The following NCAM2 variants were observed in gnomAD, a reference collection of about 807,000 sequenced individuals.
NCAM2 encodes N-CAM-2.
NCAM2 carries 30 observed loss-of-function variants against 98.1 expected under a neutral mutation model. That is an observed-to-expected ratio of 0.31 (90% CI 0.23 to 0.41). NCAM2 has a LOEUF of 0.41. Among genes scored for constraint, NCAM2 ranks in the 10% least tolerant of loss-of-function variants. The probability of loss-of-function intolerance (pLI) is 1.00; values close to 1 mark genes in which losing one functional copy is unlikely to be tolerated. For missense variants in NCAM2, 867 were observed against 1,005.8 expected, an observed-to-expected ratio of 0.86 and a Z score of 1.87; for synonymous variants, 368 against 342.4, an observed-to-expected ratio of 1.07 and a Z score of -0.83.
intron 1 of NCAM2, among the ~76,000 whole-genome samples, chr21:21,048,796 A>C (rs1343576441): frequency 1.3e-5 from 2 of 152,170 alleles, no homozygotes; most frequent in Admixed American, 6.5e-5. Flanking sequence ...TATTTGGCTC[A>C]GAATAAATCT....
At chr21:21,035,056 C>T (rs925349757) in intron 1 of NCAM2, among the ~76,000 whole-genome samples, 7 of 152,120 alleles carry the variant, frequency 4.6e-5, no homozygotes, top group Non-Finnish European at 7.4e-5. Flanking sequence ...TCTAAAATAT[C>T]TTGAGGTTCT....
At chr21:21,285,878 A>G (rs1399754255) in intron 3 of NCAM2, among the ~76,000 whole-genome samples, 3 of 151,968 alleles carry the variant, frequency 2.0e-5, no homozygotes, top group South Asian at 2.1e-4. Flanking sequence ...GCTATTTTAT[A>G]TAGGCAGGTT....
Position 21,240,212 on chromosome 21 carries a change from T to C in NCAM2, c.56-40366T>C, listed in dbSNP as rs183348136. ...CTATGTCAAATGCCCAACAGATTTC[T>C]TTCAGCCATTTTTGGATTGTCATGT... On this transcript the variant is annotated intron_variant, in intron 1 of 17. Transcript: ENST00000400546. Among the ~76,000 whole-genome samples the C allele has an allele frequency of 2.4e-4, 36 of 152,272 alleles. 1 individual carries two copies. The highest frequency in any genetic ancestry group is 2.0e-3 in the Admixed American group (30 of 15,284).
intron 1 of NCAM2, among the ~76,000 whole-genome samples, chr21:21,050,638 C>T (rs1321784600): frequency 1.3e-5 from 2 of 152,114 alleles, no homozygotes; most frequent in South Asian, 4.1e-4. Context: ...CCCAACAACA[C>T]CTGTCATTGG....
chr21:21,231,996 G>C (rs2070646087), intron 1 of NCAM2, among the ~76,000 whole-genome samples: 1 of 151,278 alleles, frequency 6.6e-6, no homozygotes, highest in African/African-American at 2.4e-5. Flanking sequence ...ATTTTCCTCA[G>C]TCGTGTCAGT....
rs5842868 is a variant in NCAM2, at chr21:21,009,883, C to CTGTGTGTGTGTGTGTGTGTGTG, written c.55+11279_55+11300dup. ...AAAATCCTCCTTTGGCCTCTGATAGCTGTGTGTGTGTGTGTGTGTGTGTGT... is the reference window on the plus strand; with the variant it reads ...AAAATCCTCCTTTGGCCTCTGATAGCTGTGTGTGTGTGTGTGTGTGTGTGTGTGTGTGTGTGTGTGTGTGTGT... On this transcript the variant is annotated intron_variant, in intron 1 of 17. Coordinates refer to ENST00000400546, the MANE Select transcript of NCAM2 (RefSeq NM_004540.5). Among the ~76,000 whole-genome samples, 428 of 139,718 alleles carry CTGTGTGTGTGTGTGTGTGTGTG rather than the reference C, an allele frequency of 3.1e-3. 5 individuals carry two copies. The highest frequency in any genetic ancestry group is 4.5e-3 in the Non-Finnish European group (294 of 64,828). 91.7% of individuals were successfully genotyped at this position (139,718 alleles called of 152,430 possible).
intron 1 of NCAM2, among the ~76,000 whole-genome samples, chr21:21,268,190 G>C (rs2072357344): frequency 6.6e-6 from 1 of 152,134 alleles, no homozygotes; most frequent in Non-Finnish European, 1.5e-5. Context: ...TGGTGCTGAG[G>C]ATTTTTCGGA....
intron 1 of NCAM2, among the ~76,000 whole-genome samples, chr21:21,273,284 A>C (rs2072599444): frequency 6.6e-6 from 1 of 151,040 alleles, no homozygotes; most frequent in African/African-American, 2.5e-5. Context: ...CATAGTAAAT[A>C]TCATATATGT....
At position 21,018,365 on chromosome 21, in the gene NCAM2, C is replaced by T. The variant is rs75183817; in HGVS notation, c.55+19747C>T. 3.8e-3 allele frequency among the ~76,000 whole-genome samples: 578 copies of T among 152,266 alleles called. 6 individuals are homozygous for T. Among genetic ancestry groups the T allele is most frequent in the African/African-American group, 0.014 (568 of 41,548 alleles). On this transcript the variant is annotated intron_variant, in intron 1 of 17. Transcript: ENST00000400546. ...TCAGGGACTGTAATTGAACTGCATG[C>T]GCAGACTTGAATTCTTCATTTCAGT... is the stretch of plus-strand genomic sequence containing the variant.
At chr21:21,406,924 A>G (rs2076750454) in intron 9 of NCAM2, among the ~76,000 whole-genome samples, 2 of 152,198 alleles carry the variant, frequency 1.3e-5, no homozygotes, top group African/African-American at 2.4e-5. Flanking sequence ...ATGTGAAAGA[A>G]TATAGCATAG....
chr21:21,332,080 C>G (rs2074726684), intron 6 of NCAM2, among the ~76,000 whole-genome samples: 1 of 151,350 alleles, frequency 6.6e-6, no homozygotes, highest in African/African-American at 2.4e-5. Flanking sequence ...TTATTTTGTA[C>G]TTTTTGTAGA....
intron 9 of NCAM2, among the ~76,000 whole-genome samples, chr21:21,385,278 A>G (rs1484772824): frequency 1.3e-5 from 2 of 151,972 alleles, no homozygotes; most frequent in Non-Finnish European, 2.9e-5. Flanking sequence ...TTAAATATTT[A>G]CCTATTAATA....
chr21:21,532,448 GCTA>G (rs1358515675), intron 16 of NCAM2, among the ~76,000 whole-genome samples: 2 of 151,844 alleles, frequency 1.3e-5, no homozygotes, highest in African/African-American at 4.8e-5. Flanking sequence ...AATTGTAAAG[GCTA>G]CTAACTAACC....
intron 1 of NCAM2, among the ~76,000 whole-genome samples, chr21:21,100,650 A>C (rs1007180643): frequency 6.6e-6 from 1 of 152,090 alleles, no homozygotes. Context: ...TTAAATTTCT[A>C]ACACTTGAGT....
intron 6 of NCAM2, among the ~76,000 whole-genome samples, chr21:21,334,634 AAGAAG>A (rs1308781606): frequency 6.6e-6 from 1 of 152,088 alleles, no homozygotes; most frequent in Admixed American, 6.6e-5. Flanking sequence ...AGGGGATGCA[AAGAAG>A]AGAAAAGAGG....
intron 16 of NCAM2, among the ~76,000 whole-genome samples, chr21:21,509,893 G>A (rs929874291): frequency 6.6e-6 from 1 of 152,114 alleles, no homozygotes; most frequent in Admixed American, 6.6e-5. Context: ...ACATATACAT[G>A]TGTGCATTAA....
At chr21:21,478,973 A>G (rs946046692) in intron 15 of NCAM2, among the ~76,000 whole-genome samples, 3 of 152,172 alleles carry the variant, frequency 2.0e-5, no homozygotes, top group African/African-American at 7.2e-5. Flanking sequence ...CACTTCTACA[A>G]TTGTAATGAA....
intron 1 of NCAM2, among the ~76,000 whole-genome samples, chr21:21,027,526 C>T (rs73230127): frequency 2.6e-5 from 4 of 152,260 alleles, no homozygotes; most frequent in Non-Finnish European, 4.4e-5. Flanking sequence ...TAATACAGCA[C>T]TTCGTTATAT....
At chr21:21,419,695 A>AT (rs1307780642) in intron 11 of NCAM2, among the ~76,000 whole-genome samples, 2 of 151,618 alleles carry the variant, frequency 1.3e-5, no homozygotes, top group Admixed American at 6.6e-5. Context: ...TGAACTCTTC[A>AT]TTTTTTATGG....
Sources: allele counts gnomAD v4.1 joint callset (sites outside exome capture counted in the v4.1 genomes callset), GRCh38; gene constraint gnomAD v4.1.1; transcripts MANE v1.5; gene names NCBI Gene and HGNC (gene_info 2026-07-23, HGNC 2026-07-21).